Variants in PAK5 observed in about 807,000 individuals in gnomAD.
PAK5 encodes serine/threonine-protein kinase PAK 5.
PAK5 carries 16 observed loss-of-function variants against 65.9 expected under a neutral mutation model. The ratio of observed to expected loss-of-function variants is 0.24; its 90% confidence interval spans 0.16 to 0.37. The LOEUF is 0.37. PAK5 is among the 10% of genes least tolerant of loss of function. The pLI, the probability that PAK5 is intolerant of heterozygous loss-of-function variation, is 1.00. For synonymous variants in PAK5, 371 were observed against 354.9 expected (o/e 1.05, Z -0.51); for missense variants, 785 against 903.9 (o/e 0.87, Z 1.69).
chr20:9,688,541 C>T (rs1444374675), intron 2 of PAK5, among the ~76,000 whole-genome samples: 1 of 151,950 alleles, frequency 6.6e-6, no homozygotes, highest in Non-Finnish European at 1.5e-5. Context: ...TTCTTTCCTG[C>T]TGCTGATAGC....
At chr20:9,737,254 G>A (rs2048399830) in intron 1 of PAK5, among the ~76,000 whole-genome samples, 1 of 152,148 alleles carries the variant, frequency 6.6e-6, no homozygotes, top group African/African-American at 2.4e-5. Flanking sequence ...ACTCTGTGCT[G>A]CCTCTAAGGA....
intron 1 of PAK5, among the ~76,000 whole-genome samples, chr20:9,761,850 CCTT>C (rs1253439287): frequency 6.6e-5 from 10 of 152,040 alleles, no homozygotes; most frequent in Non-Finnish European, 1.2e-4. Context: ...TACTCCACCT[CCTT>C]AAGGGTAGAG....
intron 1 of PAK5, among the ~76,000 whole-genome samples, chr20:9,782,608 G>A (rs13041965): frequency 6.6e-6 from 1 of 152,152 alleles, no homozygotes. Context: ...TGACAGGAGA[G>A]GGGTCCCTGG....
intron 3 of PAK5, among the ~76,000 whole-genome samples, chr20:9,623,163 C>T (rs550115115): frequency 1.2e-3 from 176 of 152,204 alleles, no homozygotes; most frequent in African/African-American, 3.9e-3. Flanking sequence ...CTAATTGTCT[C>T]ATCTTATTGG....
At chr20:9,692,805 C>T (rs2047815133) in intron 2 of PAK5, among the ~76,000 whole-genome samples, 1 of 151,984 alleles carries the variant, frequency 6.6e-6, no homozygotes, top group Non-Finnish European at 1.5e-5. Context: ...CCAATCAATA[C>T]CAGCTTGGCA....
chr20:9,682,358 A>AAAACAAAC (rs58803076), intron 2 of PAK5, among the ~76,000 whole-genome samples: 43,667 of 151,460 alleles, frequency 0.29, 6,638 homozygotes, highest in African/African-American at 0.38. Context: ...GTCTGTCTAG[A>AAAACAAAC]AAACAAACAA....
intron 1 of PAK5, among the ~76,000 whole-genome samples, chr20:9,749,525 A>G (rs1843879929): frequency 6.6e-6 from 1 of 152,168 alleles, no homozygotes; most frequent in Non-Finnish European, 1.5e-5. Flanking sequence ...CATGGAAAGC[A>G]GACGATAAAT....
chr20:9,813,818 G>A (rs756705448), intron 1 of PAK5, among the ~76,000 whole-genome samples: 2 of 152,220 alleles, frequency 1.3e-5, no homozygotes, highest in Non-Finnish European at 2.9e-5. Context: ...TGAGCAACTA[G>A]AAGGAAATCC....
chr20:9,749,933 C>T (rs765120201), intron 1 of PAK5, among the ~76,000 whole-genome samples: 1 of 152,100 alleles, frequency 6.6e-6, no homozygotes, highest in African/African-American at 2.4e-5. Flanking sequence ...AGATTTTGAG[C>T]GTCACTGCCT....
At chr20:9,727,603 A>G (rs989708621) in intron 1 of PAK5, among the ~76,000 whole-genome samples, 3 of 152,076 alleles carry the variant, frequency 2.0e-5, no homozygotes, top group Admixed American at 6.5e-5. Flanking sequence ...ATGTTTATTA[A>G]TTAGAATTCT....
At chr20:9,550,460 G>A (rs2045409729) in intron 7 of PAK5, among the ~76,000 whole-genome samples, 1 of 152,116 alleles carries the variant, frequency 6.6e-6, no homozygotes, top group Non-Finnish European at 1.5e-5. Flanking sequence ...AGCCATGCTT[G>A]TCTTTCCTCC....
chr20:9,625,023 A>T (rs2046823600), intron 3 of PAK5, among the ~76,000 whole-genome samples: 1 of 152,198 alleles, frequency 6.6e-6, no homozygotes, highest in Non-Finnish European at 1.5e-5. Flanking sequence ...ACAAGTAGCC[A>T]TTCATGAAGG....
intron 3 of PAK5, among the ~76,000 whole-genome samples, chr20:9,627,219 C>G (rs2123211786): frequency 6.6e-6 from 1 of 152,352 alleles, no homozygotes; most frequent in East Asian, 1.9e-4. Flanking sequence ...TAAGTGGGAT[C>G]TGGCTTTAGG....
chr20:9,747,981 A>T (rs922185933), intron 1 of PAK5, among the ~76,000 whole-genome samples: 19 of 152,230 alleles, frequency 1.2e-4, no homozygotes, highest in African/African-American at 4.3e-4. Flanking sequence ...AAGCAACTTC[A>T]GCAAAGTCCC....
intron 1 of PAK5, among the ~76,000 whole-genome samples, chr20:9,770,722 G>C (rs2048823510): frequency 6.6e-6 from 1 of 152,134 alleles, no homozygotes; most frequent in Admixed American, 6.6e-5. Context: ...GACATGAAGA[G>C]AGTGAGAGAC....
intron 2 of PAK5, among the ~76,000 whole-genome samples, chr20:9,706,324 C>CA (rs1487015452): frequency 6.6e-6 from 1 of 152,134 alleles, no homozygotes; most frequent in East Asian, 1.9e-4. Flanking sequence ...TGCATCATCA[C>CA]AATAGCTCCC....
chr20:9,755,634 G>C (rs2048625499), intron 1 of PAK5, among the ~76,000 whole-genome samples: 1 of 152,186 alleles, frequency 6.6e-6, no homozygotes, highest in Non-Finnish European at 1.5e-5. Flanking sequence ...ACACGGCAGT[G>C]TGTGTACACA....
intron 6 of PAK5, among the ~76,000 whole-genome samples, chr20:9,560,036 AT>A (rs1351543027): frequency 6.6e-6 from 1 of 152,166 alleles, no homozygotes; most frequent in Non-Finnish European, 1.5e-5. Flanking sequence ...TAATAAAATT[AT>A]TTTCTCTTGA....
At chr20:9,593,028 G>A (rs189109283) in intron 3 of PAK5, among the ~76,000 whole-genome samples, 6 of 152,212 alleles carry the variant, frequency 3.9e-5, no homozygotes, top group African/African-American at 9.6e-5. Flanking sequence ...GGCTGGGCAC[G>A]GTGGCTCAAA....
Sources: allele counts gnomAD v4.1 joint callset (sites outside exome capture counted in the v4.1 genomes callset), GRCh38; gene constraint gnomAD v4.1.1; transcripts MANE v1.5; gene names NCBI Gene and HGNC (gene_info 2026-07-23, HGNC 2026-07-21).